CAMK2G: variants seen among roughly 807,000 people sequenced by gnomAD.
CAMK2G encodes calcium/calmodulin-dependent protein kinase type II subunit gamma.
Under a neutral mutation model 88.7 loss-of-function variants are expected in CAMK2G, and 23 were observed. That is an observed-to-expected ratio of 0.26 (90% CI 0.19 to 0.37). CAMK2G has a LOEUF of 0.37. Ranked by LOEUF, CAMK2G falls within the 10% of genes least tolerant of loss-of-function variation. The probability of loss-of-function intolerance (pLI) is 1.00; values close to 1 mark genes in which losing one functional copy is unlikely to be tolerated. For synonymous variants in CAMK2G, 263 were observed against 294.8 expected, an observed-to-expected ratio of 0.89 and a Z score of 1.11; for missense variants, 476 against 780.8, an observed-to-expected ratio of 0.61 and a Z score of 4.65.
At chr10:73,825,161 C>G in intron 16 of CAMK2G, 118 bp downstream of exon 16, 1 of 787,004 alleles carries the variant, frequency 1.3e-6, no homozygotes, top group South Asian at 1.4e-5. Context: ...GCAGTCAGTT[C>G]TATGGGGACC....
chr10:73,834,891 C>T (rs939021583), intron 14 of CAMK2G, among the ~76,000 whole-genome samples: 10 of 152,202 alleles, frequency 6.6e-5, no homozygotes, highest in Admixed American at 6.5e-4. Flanking sequence ...TCCCCTCCAC[C>T]TCAACAGTCA....
intron 19 of CAMK2G, chr10:73,818,750 A>G (rs995146534): frequency 6.6e-5 from 30 of 455,976 alleles, no homozygotes; most frequent in African/African-American, 5.6e-4. Context: ...CACCCACAAC[A>G]CACACACCCT....
intron 14 of CAMK2G, among the ~76,000 whole-genome samples, chr10:73,832,663 A>T (rs185727739): frequency 1.3e-5 from 2 of 152,088 alleles, no homozygotes; most frequent in Non-Finnish European, 2.9e-5. Context: ...TCTGCACTTT[A>T]TTTTTCACTT....
At chr10:73,858,678 G>A (rs959265419) in intron 3 of CAMK2G, among the ~76,000 whole-genome samples, 3 of 152,220 alleles carry the variant, frequency 2.0e-5, no homozygotes, top group Non-Finnish European at 4.4e-5. Context: ...CTGAGCAGAC[G>A]GCCAGGATAT....
intron 4 of CAMK2G, among the ~76,000 whole-genome samples, 156 bp downstream of exon 4, chr10:73,853,036 G>C (rs2094751589): frequency 6.6e-6 from 1 of 152,196 alleles, no homozygotes; most frequent in African/African-American, 2.4e-5. Flanking sequence ...GACCCCCTTG[G>C]TGGGGGCAGC....
At chr10:73,828,165 G>A (rs1408729726) in intron 14 of CAMK2G, 44 bp from the exon 15 acceptor site, 2 of 1,546,576 alleles carry the variant, frequency 1.3e-6, no homozygotes, top group Admixed American at 1.7e-5. Context: ...GGAAAGAGGA[G>A]GTAAGAAGAG....
At chr10:73,827,336 A>G (rs1010540313) in intron 15 of CAMK2G, among the ~76,000 whole-genome samples, 9 of 152,298 alleles carry the variant, frequency 5.9e-5, no homozygotes, top group South Asian at 4.1e-4. Flanking sequence ...ACAGGCGCCC[A>G]CCACCACACC....
chr10:73,843,701 C>T (rs926852719), intron 10 of CAMK2G, among the ~76,000 whole-genome samples: 2 of 152,024 alleles, frequency 1.3e-5, no homozygotes, highest in East Asian at 3.9e-4. Flanking sequence ...ACCAACACTA[C>T]GGGGCCTCCT....
At chr10:73,825,451 G>C (rs1335846960) in intron 15 of CAMK2G, 104 bp from the exon 16 acceptor site, 1 of 804,386 alleles carries the variant, frequency 1.2e-6, no homozygotes. Context: ...GGAGGAGGTA[G>C]GCCTGAGGTG....
Position 73,819,654 on chromosome 10 carries a change from C to CAAGGG in CAMK2G, c.1250-10_1250-9insCCCTT, listed in dbSNP as rs1565172499. On this transcript the variant is annotated splice_polypyrimidine_tract_variant and intron_variant, in intron 18 of 22. Coordinates refer to ENST00000423381, the MANE Select transcript of CAMK2G (RefSeq NM_001367534.1). ...AGTGCGGAGCGGGGCAGCTAGCCAG[C>CAAGGG]CAGGGCAGGGCAGGGCAGGGCAAGG... 9 of 1,521,570 alleles carry CAAGGG rather than the reference C, an allele frequency of 5.9e-6. No individual in the cohort carries two copies. The highest frequency in any genetic ancestry group is 8.0e-6 in the Non-Finnish European group (9 of 1,131,820). The allele number at this position is 1,521,570 out of a possible 1,614,324, so 94.3% of individuals were successfully genotyped here. A position where few individuals can be genotyped will look rare whatever the true frequency, so the allele number is the denominator to read the frequency against.
At position 73,826,825 on chromosome 10, in the gene CAMK2G, C is replaced by T. The variant is rs147627358; in HGVS notation, c.1086+1264G>A. 6.1e-3 allele frequency among the ~76,000 whole-genome samples: 934 copies of T among 152,282 alleles called. 5 individuals are homozygous for T. The highest frequency in any genetic ancestry group is 0.01 in the Middle Eastern group (3 of 294). On this transcript the variant is annotated intron_variant, in intron 15 of 22. Transcript: ENST00000423381. ...TTGGACCAGACCTGAAGCCGTCCAC[C>T]GCCAGCTTGCTGTCAATGGCTCAGA...
intron 10 of CAMK2G, among the ~76,000 whole-genome samples, chr10:73,845,365 G>C: frequency 6.6e-6 from 1 of 152,066 alleles, no homozygotes. Flanking sequence ...GGTGGATCAT[G>C]AGATCAGGAG....
intron 18 of CAMK2G, among the ~76,000 whole-genome samples, chr10:73,820,473 T>C (rs945576742): frequency 5.9e-5 from 2 of 33,664 alleles, no homozygotes; most frequent in Non-Finnish European, 1.1e-4. Flanking sequence ...TTTATATATA[T>C]ATATATATAT....
intron 1 of CAMK2G, 95 bp from the exon 2 acceptor site, chr10:73,873,178 G>T (rs2095899842): frequency 1.7e-5 from 17 of 1,013,342 alleles, no homozygotes; most frequent in Middle Eastern, 2.2e-4. Flanking sequence ...CCCACCACCA[G>T]ACCTCTAGTC....
chr10:73,873,829 G>T (rs1409979828), intron 1 of CAMK2G, among the ~76,000 whole-genome samples: 2 of 132,472 alleles, frequency 1.5e-5, no homozygotes, highest in Non-Finnish European at 3.3e-5. Context: ...GAGGGGAGGG[G>T]GATGCTGAGG....
chr10:73,828,828 T>C lies in CAMK2G; in HGVS notation c.1054-707A>G, dbSNP rs992146309. On this transcript the variant is annotated intron_variant, in intron 14 of 22. Coordinates refer to ENST00000423381, the MANE Select transcript of CAMK2G (RefSeq NM_001367534.1). ...GCAGGGATGTAAGCCACAGGGAATG[T>C]TGAAAGCAGTGATTCCTCAGCCTCA... is the stretch of plus-strand genomic sequence containing the variant. Among the ~76,000 whole-genome samples the C allele has an allele frequency of 3.9e-5, 6 of 152,168 alleles. No homozygotes were observed. The East Asian group carries it at 7.7e-4, about 20-fold the overall frequency.
chr10:73,846,837 TG>T (rs762776816), intron 10 of CAMK2G: 19 of 185,102 alleles, frequency 1.0e-4, no homozygotes, highest in Non-Finnish European at 1.8e-4. Flanking sequence ...GTTGATTTGT[TG>T]GATCTTGGTC....
chr10:73,869,349 A>G (rs2095717595), intron 2 of CAMK2G, among the ~76,000 whole-genome samples: 1 of 152,194 alleles, frequency 6.6e-6, no homozygotes, highest in South Asian at 2.1e-4. Context: ...AGTGACAGGG[A>G]AGGAGGAATC....
rs1031256806 is a variant in CAMK2G, at chr10:73,848,420, C to T, written c.601+106G>A. On this transcript the variant is annotated intron_variant, in intron 8 of 22. Coordinates refer to ENST00000423381, the MANE Select transcript of CAMK2G (RefSeq NM_001367534.1). The surrounding 1 kb of genome is among the most constrained non-coding windows in gnomAD (Gnocchi z 4.5). ...GGCAAACACCATAATTTCACATACA[C>T]CAGGCACGTGTGTGACCTGCAAGGA... The T allele has an allele frequency of 5.2e-6, 4 of 772,956 alleles. No homozygotes were observed. Among genetic ancestry groups the T allele is most frequent in the Admixed American group, 4.0e-5 (2 of 49,992 alleles). The allele number at this position is 772,956 out of a possible 1,614,324, so 47.9% of individuals were successfully genotyped here.
Sources: allele counts gnomAD v4.1 joint callset (sites outside exome capture counted in the v4.1 genomes callset), GRCh38; gene constraint gnomAD v4.1.1; non-coding constraint Gnocchi (gnomAD v3.1); transcripts MANE v1.5; gene names NCBI Gene and HGNC (gene_info 2026-07-23, HGNC 2026-07-21).